Variants in TIAM2 observed in about 807,000 individuals in gnomAD.
TIAM2 encodes rho guanine nucleotide exchange factor TIAM2.
A neutral mutation model predicts 152.9 loss-of-function variants in TIAM2; 80 were observed. That is an observed-to-expected ratio of 0.52 (90% CI 0.44 to 0.63). TIAM2 has a LOEUF of 0.63. TIAM2 is among the 30% of genes least tolerant of loss of function. TIAM2 has a pLI of 0.00. For missense variants in TIAM2, 1,965 were observed against 2,120.1 expected, an observed-to-expected ratio of 0.93 and a Z score of 1.44; for synonymous variants, 804 against 838.0, an observed-to-expected ratio of 0.96 and a Z score of 0.70.
chr6:155,050,999 T>C (rs1777305515), intron 1 of TIAM2, among the ~76,000 whole-genome samples: 1 of 152,140 alleles, frequency 6.6e-6, no homozygotes, highest in African/African-American at 2.4e-5. Flanking sequence ...TTTTTCTGCA[T>C]CCTGAGTTAA....
intron 15 of TIAM2, among the ~76,000 whole-genome samples, chr6:155,235,477 A>C (rs1289899861): frequency 6.6e-6 from 1 of 152,226 alleles, no homozygotes; most frequent in Non-Finnish European, 1.5e-5. Flanking sequence ...TATTCCTATA[A>C]AGTGCTGATC....
intron 1 of TIAM2, among the ~76,000 whole-genome samples, chr6:155,028,523 A>G (rs1310750677): frequency 7.1e-6 from 1 of 139,900 alleles, no homozygotes; most frequent in African/African-American, 2.6e-5. Context: ...TACATATAAT[A>G]TATATACTGT....
chr6:155,044,675 T>C lies in TIAM2; in HGVS notation c.-208-45614T>C, dbSNP rs149598354. On this transcript the variant is annotated intron_variant, in intron 1 of 26. Transcript: ENST00000682666. ...ACTAAAAATACAAAAATTACCTGAG[T>C]GTGGTGGCAGGTGCCTGTAATTCCA... Among the ~76,000 whole-genome samples the C allele has an allele frequency of 2.6e-4, 40 of 151,858 alleles. No individual in the cohort carries two copies. The East Asian group carries it at 6.6e-3, about 25-fold the overall frequency.
At chr6:155,171,796 G>A (rs1780593358) in intron 9 of TIAM2, among the ~76,000 whole-genome samples, 1 of 152,126 alleles carries the variant, frequency 6.6e-6, no homozygotes, top group African/African-American at 2.4e-5. Context: ...AGTCCAAGAA[G>A]GAAATAAACA....
intron 14 of TIAM2, among the ~76,000 whole-genome samples, chr6:155,195,006 TA>T (rs1337835686): frequency 6.6e-6 from 1 of 152,252 alleles, no homozygotes; most frequent in Non-Finnish European, 1.5e-5. Context: ...ACCATGATTG[TA>T]AGTTTCCTGA....
At chr6:155,097,696 T>C (rs1479100133) in intron 2 of TIAM2, among the ~76,000 whole-genome samples, 1 of 152,218 alleles carries the variant, frequency 6.6e-6, no homozygotes, top group Non-Finnish European at 1.5e-5. Context: ...CTTTTATGCC[T>C]GTGCTTTTGA....
chr6:155,254,613 T>C (rs187157963), intron 26 of TIAM2, 40 bp downstream of exon 26: 1 of 1,598,982 alleles, frequency 6.3e-7, no homozygotes, highest in African/African-American at 1.3e-5. Context: ...CAACAAAATA[T>C]TATGAGCTTC....
At chr6:155,061,700 C>T (rs186251901) in intron 1 of TIAM2, among the ~76,000 whole-genome samples, 1 of 152,270 alleles carries the variant, frequency 6.6e-6, no homozygotes, top group Non-Finnish European at 1.5e-5. Context: ...TTTAGATCAG[C>T]TCCTTTTCCC....
chr6:155,067,339 A>G (rs991422843), intron 1 of TIAM2, among the ~76,000 whole-genome samples: 6 of 152,166 alleles, frequency 3.9e-5, no homozygotes, highest in African/African-American at 1.2e-4. Flanking sequence ...TATGTTGGTT[A>G]TACTTAAGTT....
At chr6:155,178,105 A>G (rs1780798188) in intron 10 of TIAM2, among the ~76,000 whole-genome samples, 1 of 150,916 alleles carries the variant, frequency 6.6e-6, no homozygotes, top group Non-Finnish European at 1.5e-5. Flanking sequence ...AGCTTGCCTT[A>G]AGCCGAGATG....
chr6:155,244,231 T>A, intron 17 of TIAM2, 152 bp downstream of exon 17: 1 of 744,472 alleles, frequency 1.3e-6, no homozygotes, highest in Non-Finnish European at 2.2e-6. Flanking sequence ...AGCCTCCTCC[T>A]AAACCACTGC....
chr6:155,104,040 A>ACCCCCCCCC (rs774902405), intron 2 of TIAM2, among the ~76,000 whole-genome samples: 2 of 57,718 alleles, frequency 3.5e-5, no homozygotes, highest in Non-Finnish European at 6.5e-5. Context: ...ACACACACAC[A>ACCCCCCCCC]CCCCCCCCCC....
rs1017696907 is a variant in TIAM2, at chr6:155,144,587, T to G, written c.1631-19T>G. 8.0e-6 allele frequency: 12 copies of G among 1,496,688 alleles called. No homozygotes were observed. The highest frequency in any genetic ancestry group is 8.9e-6 in the Non-Finnish European group (10 of 1,129,244). 92.7% of individuals were successfully genotyped at this position (1,496,688 alleles called of 1,614,324 possible). On this transcript the variant is annotated intron_variant, in intron 5 of 26. Transcript: ENST00000682666. ...CTCCAGGTCTGACCGGGATGTTATT[T>G]TGCTTCTCTGTTTCACAGGATGCAC... is the stretch of plus-strand genomic sequence containing the variant.
intron 26 of TIAM2, chr6:155,256,151 GATTTATT>G: frequency 2.1e-6 from 1 of 479,108 alleles, no homozygotes; most frequent in Non-Finnish European, 3.7e-6. Flanking sequence ...AAGGAGCCTA[GATTTATT>G]ATTACCAATT....
intron 1 of TIAM2, among the ~76,000 whole-genome samples, chr6:155,034,481 C>T (rs1379826692): frequency 6.6e-6 from 1 of 152,130 alleles, no homozygotes; most frequent in African/African-American, 2.4e-5. Flanking sequence ...TCTTGAAGTT[C>T]TGACCTTAGG....
chr6:155,255,657 A>G (rs1040169301), intron 26 of TIAM2: 8 of 151,952 alleles, frequency 5.3e-5, no homozygotes, highest in African/African-American at 1.9e-4. Context: ...AAAATTTCAG[A>G]AAGTTGTTTT....
chr6:155,176,622 C>T (rs568976272), intron 9 of TIAM2, among the ~76,000 whole-genome samples, 194 bp from the exon 10 acceptor site: 2 of 152,224 alleles, frequency 1.3e-5, no homozygotes, highest in African/African-American at 2.4e-5. Flanking sequence ...CACTCTGCTT[C>T]CCATGGCTGC....
intron 15 of TIAM2, among the ~76,000 whole-genome samples, chr6:155,239,837 C>A (rs1402258906): frequency 6.6e-6 from 1 of 152,212 alleles, no homozygotes; most frequent in East Asian, 1.9e-4. Context: ...CCTCGCCAGG[C>A]CTTATGTGTC....
At chr6:155,215,690 T>G (rs1562356663) in intron 15 of TIAM2, among the ~76,000 whole-genome samples, 1 of 151,590 alleles carries the variant, frequency 6.6e-6, no homozygotes, top group Non-Finnish European at 1.5e-5. Flanking sequence ...TCACATTTTT[T>G]TTTCTGTTCC....
Sources: gnomAD v4.1 joint callset for allele counts (sites outside exome capture counted in the v4.1 genomes callset) on GRCh38, gnomAD v4.1.1 for gene constraint, MANE v1.5 for transcripts, NCBI Gene and HGNC (gene_info 2026-07-23, HGNC 2026-07-21) for gene names.